The following LILRA1 variants were observed in gnomAD, a reference collection of about 807,000 sequenced individuals.
LILRA1 encodes the protein leukocyte immunoglobulin-like receptor subfamily A member 1.
In LILRA1, 51 loss-of-function variants were observed where a neutral mutation model predicts 51.6. The observed-to-expected ratio is 0.99, with a 90% CI of 0.79 to 1.25. The LOEUF is 1.25. LILRA1 is among the 50% of genes most tolerant of loss of function. The pLI is 0.00. For missense variants in LILRA1, 660 were observed against 611.7 expected, an observed-to-expected ratio of 1.08 and a Z score of -0.83; for synonymous variants, 305 against 248.4, an observed-to-expected ratio of 1.23 and a Z score of -2.14.
chr19:54,595,535 C>G (rs941628951), intron 5 of LILRA1, 104 bp from the exon 6 acceptor site: 3 of 1,541,222 alleles, frequency 1.9e-6, no homozygotes, highest in African/African-American at 2.8e-5. Context: ...CTCCTGGGGC[C>G]GGAGACACAG....
rs375423960 is a variant in LILRA1 at position 54,600,780 on chromosome 19, T to C, written c.1433T>C (p.Leu478Pro). The C allele has an allele frequency of 3.9e-5, 63 of 1,614,008 alleles. No individual in the cohort carries two copies. Among genetic ancestry groups the C allele is most frequent in the Non-Finnish European group, 5.3e-5 (62 of 1,180,038 alleles). The change falls in exon 10 of 10, where the codon CTG becomes CCG. Residue 478 changes from leucine to proline, a missense_variant. Leu to Pro is a moderately conservative substitution (Grantham distance 98). Coordinates refer to ENST00000251372, the MANE Select transcript of LILRA1 (RefSeq NM_006863.4). ...AGLVLVVLGI[L>P]LFEAQHSQRS... ...TTGGTCCTGGTGGTCCTCGGGATTC[T>C]GCTATTTGAGGCTCAGCACAGCCAG... is the stretch of plus-strand genomic sequence containing the variant.
At chr19:54,596,115 C>G in intron 6 of LILRA1, 74 bp from the exon 7 acceptor site, 1 of 1,558,322 alleles carries the variant, frequency 6.4e-7, no homozygotes, top group Non-Finnish European at 8.7e-7. Flanking sequence ...ACTGAGGGTC[C>G]CAGATAGAAG....
chr19:54,596,287 C>T lies in LILRA1; in HGVS notation c.1057C>T (p.His353Tyr). 1 of 1,614,106 alleles carries T rather than the reference C, an allele frequency of 6.2e-7. No homozygotes were observed. The highest frequency in any genetic ancestry group is 8.5e-7 in the Non-Finnish European group (1 of 1,180,014). Residue 353 changes from histidine to tyrosine, a missense_variant, in exon 7 of 10, where the codon CAC becomes TAC. Transcript: ENST00000251372. ...GCTGTGTCAGTCATGGGGGCCGTTC[C>T]ACACTTTCCTTCTGACCAAGGCGGG... is the stretch of plus-strand genomic sequence containing the variant. ...TLLCQSWGPF[H>Y]TFLLTKAGAA...
At position 54,596,206 on chromosome 19, in the gene LILRA1, C is replaced by A. The variant is rs1273464993; in HGVS notation, c.976C>A (p.Pro326Thr). The change falls in exon 7 of 10, where the codon CCC (proline) becomes ACC (threonine). Residue 326 changes from proline (P) to threonine (T), a missense_variant. By Grantham distance (38) the Pro-to-Thr change is conservative (BLOSUM62 -1). Transcript: ENST00000251372. The part of the protein sequence containing the change: ...ILIAGQFRGR[P>T]FISVHPGPTV... ...CTCTCCAGGACAGTTCCGTGGCAGA[C>A]CCTTCATCTCGGTGCATCCGGGCCC... The A allele has an allele frequency of 1.2e-6, 2 of 1,613,786 alleles. No individual in the cohort carries two copies. Among genetic ancestry groups the A allele is most frequent in the Non-Finnish European group, 1.7e-6 (2 of 1,179,898 alleles).
rs749737031 is a variant in LILRA1, at chr19:54,600,855, A to G, written c.*38A>G. The G allele has an allele frequency of 2.5e-6, 4 of 1,609,300 alleles. No homozygotes were observed. Among genetic ancestry groups the G allele is most frequent in the East Asian group, 4.5e-5 (2 of 44,856 alleles). ...AGGTGAACAGCAGAGAGAAGAATGTACCCTTCAGAGTGGTGGAGCCTTGGG... is the reference window on the plus strand; with the variant it reads ...AGGTGAACAGCAGAGAGAAGAATGTGCCCTTCAGAGTGGTGGAGCCTTGGG... On this transcript the variant is annotated 3_prime_UTR_variant, in exon 10 of 10. Transcript: ENST00000251372.
rs777824206 is a variant in LILRA1 at position 54,596,476 on chromosome 19, G to A, written c.1246G>A (p.Glu416Lys). 1.2e-6 allele frequency: 2 copies of A among 1,613,986 alleles called. No individual in the cohort carries two copies. The highest frequency in any genetic ancestry group is 1.7e-6 in the Non-Finnish European group (2 of 1,180,028). The stretch of plus-strand genomic sequence containing the variant: ...GCTGTCTCACCCCAGTGACTCCCTG[G>A]AGCTCATGGTCTCAGGTGAGGGCCC... ...YLLSHPSDSL[E>K]LMVSGAAETL... Residue 416 changes from glutamate (E) to lysine (K), a missense_variant, in exon 7 of 10, where the codon GAG becomes AAG. Coordinates refer to ENST00000251372, the MANE Select transcript of LILRA1 (RefSeq NM_006863.4).
At chr19:54,596,065 T>C in intron 6 of LILRA1, 124 bp from the exon 7 acceptor site, 3 of 397,484 alleles carry the variant, frequency 7.5e-6, no homozygotes, top group Non-Finnish European at 1.3e-5. Context: ...AGACAGGGGA[T>C]GGGCGGGGCG....
chr19:54,598,234 T>C (rs1046055490), intron 7 of LILRA1, among the ~76,000 whole-genome samples: 1 of 152,166 alleles, frequency 6.6e-6, no homozygotes, highest in African/African-American at 2.4e-5. Context: ...AATTTATATT[T>C]TTTATTTCAA....
rs1021856739 is a variant in LILRA1 at position 54,596,227 on chromosome 19, G to A, written c.997G>A (p.Gly333Ser). ...CAGACCCTTCATCTCGGTGCATCCG[G>A]GCCCCACGGTGGCCTCAGGAGAGAA... ...RGRPFISVHPGPTVASGENVT... is the reference protein window; with the variant it reads ...RGRPFISVHPSPTVASGENVT... The change falls in exon 7 of 10, where the codon GGC becomes AGC. Residue 333 changes from glycine (G) to serine (S), a missense_variant. Coordinates refer to ENST00000251372, the MANE Select transcript of LILRA1 (RefSeq NM_006863.4). 1.9e-6 allele frequency: 3 copies of A among 1,613,920 alleles called. No homozygotes were observed. The highest frequency in any genetic ancestry group is 2.5e-6 in the Non-Finnish European group (3 of 1,179,994).
Position 54,594,891 on chromosome 19 carries a change from C to A in LILRA1, c.297C>A (p.Phe99Leu). 1 of 1,614,142 alleles carries A rather than the reference C, an allele frequency of 6.2e-7. No individual in the cohort carries two copies. The highest frequency in any genetic ancestry group is 8.5e-7 in the Non-Finnish European group (1 of 1,179,984). ...AACACACAGGGCGGTATCGCTGTTTCTACGGTAGCCACACTGCAGGCTGGT... is the reference window on the plus strand; with the variant it reads ...AACACACAGGGCGGTATCGCTGTTTATACGGTAGCCACACTGCAGGCTGGT... ...TWEHTGRYRC[F>L]YGSHTAGWSE... Residue 99 changes from phenylalanine (F) to leucine (L), a missense_variant, in exon 4 of 10, where the codon TTC (phenylalanine) becomes TTA (leucine). By Grantham distance (22) the Phe-to-Leu change is conservative (BLOSUM62 0). Coordinates refer to ENST00000251372, the MANE Select transcript of LILRA1 (RefSeq NM_006863.4).
chr19:54,595,130 T>C lies in LILRA1; in HGVS notation c.389T>C (p.Leu130Pro). The change falls in exon 5 of 10, where the codon CTA (leucine) becomes CCA (proline). Residue 130 changes from leucine (L) to proline (P), a missense_variant. Physicochemically the swap from Leu to Pro is moderately conservative, Grantham distance 98. Coordinates refer to ENST00000251372, the MANE Select transcript of LILRA1 (RefSeq NM_006863.4). ...TACATCAAACCCACCCTCTCAGCTC[T>C]ACCCAGCCCTGTGGTGACCTCAGGA... ...GAYIKPTLSA[L>P]PSPVVTSGGN... is the part of the protein sequence containing the mutation. 2 of 1,613,994 alleles carry C rather than the reference T, an allele frequency of 1.2e-6. No individual in the cohort carries two copies. Among genetic ancestry groups the C allele is most frequent in the Non-Finnish European group, 1.7e-6 (2 of 1,179,930 alleles).
Position 54,596,389 on chromosome 19 carries a change from G to C in LILRA1, c.1159G>C (p.Val387Leu). The C allele has an allele frequency of 1.2e-6, 2 of 1,613,790 alleles. No homozygotes were observed. Among genetic ancestry groups the C allele is most frequent in the Non-Finnish European group, 1.7e-6 (2 of 1,179,776 alleles). Residue 387 changes from valine to leucine, a missense_variant, in exon 7 of 10, where the codon GTG (valine) becomes CTG (leucine). Coordinates refer to ENST00000251372, the MANE Select transcript of LILRA1 (RefSeq NM_006863.4). ...CCAGGCTGAATTCCCTATGAGTCCT[G>C]TGACCTCAGCCCACTCGGGGACCTA... ...KYQAEFPMSPVTSAHSGTYRC... is the reference protein window; with the variant it reads ...KYQAEFPMSPLTSAHSGTYRC...
At chr19:54,599,196 A>G in intron 7 of LILRA1, 40 bp from the exon 8 acceptor site, 7 of 1,519,924 alleles carry the variant, frequency 4.6e-6, no homozygotes, top group Non-Finnish European at 6.2e-6. Context: ...TATATAAGTT[A>G]CCTCTGAATA....
intron 1 of LILRA1, among the ~76,000 whole-genome samples, 198 bp downstream of exon 1, chr19:54,593,979 G>C (rs1435945870): frequency 6.6e-6 from 1 of 152,136 alleles, no homozygotes; most frequent in African/African-American, 2.4e-5. Context: ...CTGGGGGTCA[G>C]GAAAGACCCC....
Position 54,599,239 on chromosome 19 carries a change from C to A in LILRA1, c.1265C>A (p.Ala422Glu). The change falls in exon 8 of 10, where the codon GCA becomes GAA. Residue 422 changes from alanine to glutamate, a missense_variant. Transcript: ENST00000251372. ...SDSLELMVSG[A>E]AETLSPPQNK... ...TCTCCTCTGTTTTGATTCTCAGGAG[C>A]AGCTGAGACCCTCAGCCCACCACAA... 1 of 1,570,392 alleles carries A rather than the reference C, an allele frequency of 6.4e-7. No homozygotes were observed. Among genetic ancestry groups the A allele is most frequent in the Non-Finnish European group, 8.7e-7 (1 of 1,153,372 alleles).
chr19:54,594,925 A>G lies in LILRA1; in HGVS notation c.331A>G (p.Ser111Gly), dbSNP rs1350145396. ...CCACACTGCAGGCTGGTCAGAGCCC[A>G]GTGACCCCCTGGAGCTGGTGGTGAC... ...GSHTAGWSEPSDPLELVVTGA... is the reference protein window; with the variant it reads ...GSHTAGWSEPGDPLELVVTGA... Residue 111 changes from serine to glycine, a missense_variant, in exon 4 of 10, where the codon AGT becomes GGT. Transcript: ENST00000251372. 25 of 1,613,960 alleles carry G rather than the reference A, an allele frequency of 1.5e-5. No homozygotes were observed. The Admixed American group carries it at 4.0e-4, about 26-fold the overall frequency.
intron 3 of LILRA1, 58 bp downstream of exon 3, chr19:54,594,534 C>G (rs1226329106): frequency 2.5e-6 from 4 of 1,612,746 alleles, no homozygotes; most frequent in Non-Finnish European, 3.4e-6. Flanking sequence ...AAGGGGCCAC[C>G]CCCGTGCAGC....
At chr19:54,596,052 C>T in intron 6 of LILRA1, 117 bp downstream of exon 6, 2 of 1,283,566 alleles carry the variant, frequency 1.6e-6, no homozygotes, top group Non-Finnish European at 2.2e-6. Flanking sequence ...GAGAGACAGA[C>T]AGAGACAGGG....
intron 7 of LILRA1, among the ~76,000 whole-genome samples, chr19:54,596,939 T>G (rs1600270612): frequency 6.8e-6 from 1 of 147,846 alleles, no homozygotes; most frequent in Admixed American, 6.7e-5. Flanking sequence ...CATGGGAGGG[T>G]GGAAATAGAC....
Sources: gnomAD v4.1 joint callset for allele counts (sites outside exome capture counted in the v4.1 genomes callset) on GRCh38, gnomAD v4.1.1 for gene constraint, MANE v1.5 for transcripts, NCBI Gene and HGNC (gene_info 2026-07-23, HGNC 2026-07-21) for gene names.